EXOC2: variants seen among roughly 807,000 people sequenced by gnomAD.
EXOC2 encodes SEC5-like 1.
Under a neutral mutation model 131.8 loss-of-function variants are expected in EXOC2, and 70 were observed. That is an observed-to-expected ratio of 0.53 (90% CI 0.44 to 0.65). The LOEUF (loss-of-function observed/expected upper bound fraction) is 0.65, where lower values mean the gene tolerates loss of function less well. Ranked by LOEUF, EXOC2 falls within the 30% of genes least tolerant of loss-of-function variation. The pLI is 0.00. For missense variants in EXOC2, 923 were observed against 1,108.6 expected (o/e 0.83, Z 2.38); for synonymous variants, 411 against 398.4 (o/e 1.03, Z -0.38).
chr6:555,907 A>T, intron 19 of EXOC2, 47 bp downstream of exon 19: 1 of 1,568,282 alleles, frequency 6.4e-7, no homozygotes. Context: ...GTTGACTGAC[A>T]CTTAGTATTA....
intron 23 of EXOC2, among the ~76,000 whole-genome samples, chr6:504,973 G>C (rs552023892): frequency 6.6e-6 from 1 of 152,294 alleles, no homozygotes; most frequent in Non-Finnish European, 1.5e-5. Flanking sequence ...ATAATGACTA[G>C]AAACAGCACA....
chr6:517,732 C>G (rs1486377154), intron 23 of EXOC2, among the ~76,000 whole-genome samples: 1 of 152,174 alleles, frequency 6.6e-6, no homozygotes, highest in Non-Finnish European at 1.5e-5. Flanking sequence ...GACAACCAAA[C>G]ATAAGGTATC....
At chr6:487,603 T>C (rs181790828) in intron 27 of EXOC2, among the ~76,000 whole-genome samples, 332 of 152,192 alleles carry the variant, frequency 2.2e-3, no homozygotes, top group Non-Finnish European at 3.7e-3. Flanking sequence ...GACGGGGTTT[T>C]ACCATGTTGG....
chr6:682,539 A>G (rs1403634721), intron 1 of EXOC2, among the ~76,000 whole-genome samples: 1 of 152,072 alleles, frequency 6.6e-6, no homozygotes, highest in Admixed American at 6.6e-5. Context: ...ACACATGATT[A>G]CTTAACTATA....
chr6:491,036 G>C (rs1351404210), intron 26 of EXOC2, 89 bp downstream of exon 26: 1 of 1,329,800 alleles, frequency 7.5e-7, no homozygotes, highest in Non-Finnish European at 1.1e-6. Context: ...CATGTGCTCT[G>C]ATCAGTCATC....
At position 489,024 on chromosome 6, in the gene EXOC2, T is replaced by C; in HGVS notation, c.2636A>G (p.Gln879Arg). Residue 879 changes from glutamine to arginine, a missense_variant, in exon 27 of 28, where the codon CAG (glutamine) becomes CGG (arginine). By Grantham distance (43) the Gln-to-Arg change is conservative. Transcript: ENST00000230449. The part of the protein sequence containing the change: ...LTPESKSSFK[Q>R]ALEALPQLSS... ...AAGCTGGGGCAGGGCTTCCAAAGCCTGCTTAAAACTTGACCTGAAACACAA... is the reference window on the plus strand; with the variant it reads ...AAGCTGGGGCAGGGCTTCCAAAGCCCGCTTAAAACTTGACCTGAAACACAA... 1 of 1,613,968 alleles carries C rather than the reference T, an allele frequency of 6.2e-7. No homozygotes were observed. The highest frequency in any genetic ancestry group is 8.5e-7 in the Non-Finnish European group (1 of 1,179,892).
chr6:522,927 T>C lies in EXOC2; in HGVS notation c.2380+9542A>G, dbSNP rs536709320. On this transcript the variant is annotated intron_variant, in intron 23 of 27. Coordinates refer to ENST00000230449, the MANE Select transcript of EXOC2 (RefSeq NM_018303.6). ...CTTCAGAGCTAAGCAGGTCAGCACA[T>C]GACCAGTACTAAAGCTGTTTTCCTC... 2.6e-5 allele frequency among the ~76,000 whole-genome samples: 4 copies of C among 152,324 alleles called. No homozygotes were observed. The East Asian group carries it at 7.7e-4, about 29-fold the overall frequency.
intron 4 of EXOC2, among the ~76,000 whole-genome samples, chr6:621,607 A>G (rs1459550497): frequency 6.6e-6 from 1 of 152,128 alleles, no homozygotes; most frequent in African/African-American, 2.4e-5. Flanking sequence ...ATGATAACAG[A>G]AAAGAAGACA....
rs189484869 is a variant in EXOC2 at position 512,319 on chromosome 6, G to A, written c.2381-12619C>T. Among the ~76,000 whole-genome samples, 193 of 152,338 alleles carry A rather than the reference G, an allele frequency of 1.3e-3. 3 individuals are homozygous for A. The highest frequency in any genetic ancestry group is 1.3e-3 in the Non-Finnish European group (91 of 68,032). ...CCCCTGACACAGCTAAACCAGCTCC[G>A]ATCCTCCTCTTCCTCCTCAGCCTAC... is the stretch of plus-strand genomic sequence containing the variant. On this transcript the variant is annotated intron_variant, in intron 23 of 27. Transcript: ENST00000230449.
chr6:519,039 C>T (rs1300506289), intron 23 of EXOC2, among the ~76,000 whole-genome samples: 1 of 151,924 alleles, frequency 6.6e-6, no homozygotes, highest in African/African-American at 2.4e-5. Context: ...GACACAGAAC[C>T]GCGTGAGGGA....
In EXOC2 at chr6:489,058, A is replaced by C. The variant is rs778885057; in HGVS notation, c.2622-20T>G. 3 of 1,613,528 alleles carry C rather than the reference A, an allele frequency of 1.9e-6. No homozygotes were observed. Among genetic ancestry groups the C allele is most frequent in the Admixed American group, 1.7e-5 (1 of 59,978 alleles). ...CTTGACCTGAAACACAAACAGCCAC[A>C]CTGAAGTTGAAGCCTTGCACAGGAG... is the stretch of plus-strand genomic sequence containing the variant. On this transcript the variant is annotated intron_variant, in intron 26 of 27. Coordinates refer to ENST00000230449, the MANE Select transcript of EXOC2 (RefSeq NM_018303.6).
chr6:488,325 G>A (rs1763212473), intron 27 of EXOC2, among the ~76,000 whole-genome samples: 1 of 152,260 alleles, frequency 6.6e-6, no homozygotes, highest in Admixed American at 6.5e-5. Context: ...CACGTGCAGG[G>A]CGGGTGGTGA....
Position 553,884 on chromosome 6 carries a change from T to C in EXOC2, c.2091A>G (p.Gly697=). ...SVDVSSPDLF[G]SIHEDFSLTS... ...TCAAGCTGAAGTCTTCATGGATACT[T>C]CCAAACAAGTCAGGGGAAGAAACAT... Residue 697 remains glycine (G), a synonymous_variant, in exon 21 of 28, where the codon GGA becomes GGG. Coordinates refer to ENST00000230449, the MANE Select transcript of EXOC2 (RefSeq NM_018303.6). The C allele has an allele frequency of 6.2e-7, 1 of 1,613,976 alleles. No homozygotes were observed. The highest frequency in any genetic ancestry group is 8.5e-7 in the Non-Finnish European group (1 of 1,179,948).
intron 23 of EXOC2, among the ~76,000 whole-genome samples, chr6:523,564 T>A (rs1354247957): frequency 3.9e-5 from 6 of 152,286 alleles, no homozygotes; most frequent in Non-Finnish European, 8.8e-5. Flanking sequence ...TTTATTCTAC[T>A]CTTGCTGTTT....
Position 637,863 on chromosome 6 carries a change from T to C in EXOC2, c.-43-2A>G, listed in dbSNP as rs1444398213. 1.3e-6 allele frequency: 2 copies of C among 1,565,500 alleles called. No homozygotes were observed. On this transcript the variant is annotated splice_acceptor_variant, in intron 1 of 27. Transcript: ENST00000230449. LOFTEE classifies it low-confidence loss of function (5UTR_SPLICE). ...TGGTGATCCTGTTAGAGAAGTAATC[T>C]GTTAAAAGAGAAAGAAAAAAGGATT...
intron 23 of EXOC2, among the ~76,000 whole-genome samples, chr6:502,316 G>A (rs907223261): frequency 1.3e-5 from 2 of 152,140 alleles, no homozygotes; most frequent in Non-Finnish European, 2.9e-5. Context: ...GATGTGCTAC[G>A]GTGCAAGGAT....
intron 4 of EXOC2, among the ~76,000 whole-genome samples, chr6:624,715 C>T (rs766009914): frequency 3.3e-5 from 5 of 152,056 alleles, no homozygotes; most frequent in Admixed American, 6.5e-5. Flanking sequence ...CAGGAGAGTG[C>T]GAAAGGGGAG....
intron 26 of EXOC2, 40 bp from the exon 27 acceptor site, chr6:489,078 C>T (rs1180190513): frequency 8.1e-6 from 13 of 1,600,038 alleles, no homozygotes; most frequent in African/African-American, 1.3e-5. Context: ...AAGCCTTGCA[C>T]AGGAGAACTG....
chr6:669,230 A>T (rs552539929), intron 1 of EXOC2: 44 of 152,400 alleles, frequency 2.9e-4, no homozygotes, highest in African/African-American at 9.6e-4. Context: ...TTCCCAGCCA[A>T]CCTGAAACAC....
Sources: gnomAD v4.1 joint callset for allele counts (sites outside exome capture counted in the v4.1 genomes callset) on GRCh38, gnomAD v4.1.1 for gene constraint, MANE v1.5 for transcripts, NCBI Gene and HGNC (gene_info 2026-07-23, HGNC 2026-07-21) for gene names.